LCA5L: variants seen among roughly 807,000 people sequenced by gnomAD.
LCA5L encodes the protein lebercilin-like protein.
In LCA5L, 35 loss-of-function variants were observed where a neutral mutation model predicts 45.4. The observed-to-expected ratio is 0.77, with a 90% confidence interval of 0.59 to 1.02. The LOEUF (loss-of-function observed/expected upper bound fraction) is 1.02, where lower values mean the gene tolerates loss of function less well. Ranked by LOEUF, LCA5L falls within the 50% of genes least tolerant of loss-of-function variation. The probability of loss-of-function intolerance (pLI) is 0.00; values close to 1 mark genes in which losing one functional copy is unlikely to be tolerated. For missense variants in LCA5L, 668 were observed against 761.6 expected (o/e 0.88, Z 1.45); for synonymous variants, 233 against 264.7 (o/e 0.88, Z 1.16).
chr21:39,425,517 T>C (rs2074516407), intron 5 of LCA5L, among the ~76,000 whole-genome samples: 1 of 152,238 alleles, frequency 6.6e-6, no homozygotes, highest in African/African-American at 2.4e-5. Context: ...AATAGGCTTC[T>C]GAGCACAGTA....
Position 39,423,208 on chromosome 21 carries a change from T to G in LCA5L, c.605A>C (p.Lys202Thr), listed in dbSNP as rs1450485258. The change falls in exon 6 of 11, where the codon AAA becomes ACA. Residue 202 changes from lysine (K) to threonine (T), a missense_variant. By Grantham distance (78) the Lys-to-Thr change is moderately conservative (BLOSUM62 -1). Coordinates refer to ENST00000288350, the MANE Select transcript of LCA5L (RefSeq NM_152505.4). ...TAAATTTTTTACTTCATTCTGATGT[T>G]TAGCCATAATTTGAGGTAGATTATT... ...SQNNLPQIMA[K>T]HQNEVKNLRQ... The G allele has an allele frequency of 9.9e-6, 16 of 1,612,646 alleles. No homozygotes were observed. Among genetic ancestry groups the G allele is most frequent in the Non-Finnish European group, 1.4e-5 (16 of 1,179,588 alleles).
chr21:39,438,427 G>A (rs1406191014), intron 2 of LCA5L, among the ~76,000 whole-genome samples: 1 of 151,876 alleles, frequency 6.6e-6, no homozygotes, highest in Non-Finnish European at 1.5e-5. Flanking sequence ...AACCATAAAG[G>A]AAACAACTGA....
chr21:39,412,797 C>T (rs934350212), intron 7 of LCA5L, among the ~76,000 whole-genome samples: 9 of 152,064 alleles, frequency 5.9e-5, no homozygotes, highest in Non-Finnish European at 1.3e-4. Flanking sequence ...CCTCCCCCGC[C>T]GCCCCATTCA....
intron 7 of LCA5L, among the ~76,000 whole-genome samples, chr21:39,412,970 C>CAA (rs2040371130): frequency 6.6e-6 from 1 of 152,138 alleles, no homozygotes; most frequent in East Asian, 1.9e-4. Context: ...TCCAGGTGCT[C>CAA]CCATAGCACA....
chr21:39,420,974 G>A, intron 6 of LCA5L, 131 bp from the exon 7 acceptor site: 1 of 606,722 alleles, frequency 1.6e-6, no homozygotes, highest in South Asian at 2.9e-5. Context: ...ACTTATACAG[G>A]GGACATATAT....
intron 5 of LCA5L, among the ~76,000 whole-genome samples, chr21:39,424,011 GTTTATT>G: frequency 6.6e-6 from 1 of 152,084 alleles, no homozygotes; most frequent in South Asian, 2.1e-4. Context: ...TTTTTTAAAT[GTTTATT>G]TTTATTTTTT....
chr21:39,424,195 TAG>T (rs2074245357), intron 5 of LCA5L, among the ~76,000 whole-genome samples: 1 of 152,090 alleles, frequency 6.6e-6, no homozygotes, highest in Admixed American at 6.6e-5. Context: ...GTATTTTTAG[TAG>T]AGACGGAGTT....
chr21:39,423,801 C>T (rs1195001384), intron 5 of LCA5L, among the ~76,000 whole-genome samples: 1 of 152,014 alleles, frequency 6.6e-6, no homozygotes, highest in African/African-American at 2.4e-5. Flanking sequence ...GATTGAAAAC[C>T]AGGTCTTCTT....
At chr21:39,442,355 C>T (rs572545297) in intron 2 of LCA5L, among the ~76,000 whole-genome samples, 3 of 152,030 alleles carry the variant, frequency 2.0e-5, no homozygotes, top group East Asian at 1.9e-4. Context: ...CTTCGGAAGG[C>T]GTGTTTATGA....
chr21:39,414,740 C>CTGTGTG (rs796818060), intron 7 of LCA5L, among the ~76,000 whole-genome samples: 601 of 104,072 alleles, frequency 5.8e-3, no homozygotes, highest in African/African-American at 8.4e-3. Flanking sequence ...CTCTCTCTCT[C>CTGTGTG]TCTGTGTGTG....
At position 39,406,431 on chromosome 21, in the gene LCA5L, T is replaced by G. The variant is rs138939918; in HGVS notation, c.1464A>C (p.Leu488=). Residue 488 remains leucine, a synonymous_variant, in exon 11 of 11, where the codon CTA becomes CTC. Transcript: ENST00000288350. ...TGCTTCTTTTAAACTTTTCTCTTAC[T>G]AGAACATCTTCTTGATTGCTTTCTC... The part of the protein sequence containing the change: ...PERESNQEDV[L]VREKFKRSMQ... The G allele has an allele frequency of 2.4e-4, 394 of 1,614,154 alleles. 2 individuals carry two copies. The African/African-American group carries it at 4.2e-3, about 17-fold the overall frequency.
intron 7 of LCA5L, 124 bp downstream of exon 7, chr21:39,420,582 A>G: frequency 3.4e-6 from 2 of 583,348 alleles, no homozygotes; most frequent in Non-Finnish European, 2.7e-6. Flanking sequence ...CCCCCTACAA[A>G]GGGTAGAGGA....
chr21:39,419,899 T>G (rs1202644603), intron 7 of LCA5L, among the ~76,000 whole-genome samples: 1 of 152,226 alleles, frequency 6.6e-6, no homozygotes, highest in Non-Finnish European at 1.5e-5. Context: ...TTAAAAATTC[T>G]TATTTTTAAA....
chr21:39,422,236 T>C (rs1438155396), intron 6 of LCA5L: 7 of 152,246 alleles, frequency 4.6e-5, no homozygotes, highest in Non-Finnish European at 1.0e-4. Flanking sequence ...TATTACAGAA[T>C]TAAATCCTAA....
chr21:39,440,375 A>G (rs192826411), intron 2 of LCA5L, among the ~76,000 whole-genome samples: 1 of 152,312 alleles, frequency 6.6e-6, no homozygotes, highest in East Asian at 1.9e-4. Flanking sequence ...CAGCCTGAGC[A>G]ACACAGGGAG....
At position 39,428,196 on chromosome 21, in the gene LCA5L, C is replaced by T; in HGVS notation, c.298G>A (p.Val100Ile). The T allele has an allele frequency of 6.3e-7, 1 of 1,592,440 alleles. No individual in the cohort carries two copies. Among genetic ancestry groups the T allele is most frequent in the South Asian group, 1.1e-5 (1 of 88,122 alleles). The change falls in exon 5 of 11, where the codon GTT becomes ATT. Residue 100 changes from valine to isoleucine, a missense_variant. Physicochemically the swap from Val to Ile is conservative, Grantham distance 29. Transcript: ENST00000288350. ...VKEKEKKKYN[V>I]SKISQSKGQK... ...CCTTTAGATTGGGAGATTTTAGAAACATTATACTTTTTCTTCTCCTTTTCT... is the reference window on the plus strand; with the variant it reads ...CCTTTAGATTGGGAGATTTTAGAAATATTATACTTTTTCTTCTCCTTTTCT...
intron 6 of LCA5L, 67 bp downstream of exon 6, chr21:39,422,909 G>C (rs775909750): frequency 4.9e-6 from 7 of 1,433,938 alleles, no homozygotes; most frequent in Non-Finnish European, 1.9e-6. Flanking sequence ...GCGCATCCAT[G>C]ATTAATTCAC....
intron 3 of LCA5L, among the ~76,000 whole-genome samples, chr21:39,432,171 T>C (rs934605142): frequency 2.0e-5 from 3 of 152,218 alleles, no homozygotes; most frequent in Non-Finnish European, 4.4e-5. Flanking sequence ...ATAAACTGAC[T>C]GGCCCAGTGT....
intron 5 of LCA5L, among the ~76,000 whole-genome samples, chr21:39,427,064 G>T (rs2074848298): frequency 6.6e-6 from 1 of 152,210 alleles, no homozygotes; most frequent in Non-Finnish European, 1.5e-5. Context: ...TGGCACAGAG[G>T]GTCCTGGACA....
Sources: allele counts gnomAD v4.1 joint callset (sites outside exome capture counted in the v4.1 genomes callset), GRCh38; gene constraint gnomAD v4.1.1; transcripts MANE v1.5; gene names NCBI Gene and HGNC (gene_info 2026-07-23, HGNC 2026-07-21).